Variants in NUP98 observed in about 807,000 individuals in gnomAD.
NUP98 encodes the protein nucleoporin 98 and 96 precursor.
In NUP98, 26 loss-of-function variants were observed where a neutral mutation model predicts 191.9. That is an observed-to-expected ratio of 0.14 (90% confidence interval 0.10 to 0.19). The LOEUF is 0.19. Ranked by LOEUF, NUP98 falls within the 10% of genes least tolerant of loss-of-function variation. The pLI is 1.00. For synonymous variants in NUP98, 808 were observed against 778.4 expected (o/e 1.04, Z -0.63); for missense variants, 1,941 against 2,178.8 (o/e 0.89, Z 2.17).
intron 14 of NUP98, among the ~76,000 whole-genome samples, chr11:3,728,322 TA>T (rs530533205): frequency 1.2e-3 from 189 of 152,216 alleles, no homozygotes; most frequent in Admixed American, 2.6e-3. Context: ...TTACTCTGAG[TA>T]AAAAAATGTG....
intron 10 of NUP98, among the ~76,000 whole-genome samples, chr11:3,758,403 G>A (rs565583836): frequency 6.6e-5 from 10 of 152,166 alleles, no homozygotes; most frequent in Admixed American, 4.6e-4. Flanking sequence ...GTCTACAAAC[G>A]GTCCATGGGG....
Position 3,719,437 on chromosome 11 carries a change from GT to G in NUP98, c.2373del (p.Lys791AsnfsTer8). The G allele has an allele frequency of 3.1e-6, 5 of 1,599,294 alleles. No homozygotes were observed. The Admixed American group carries it at 5.4e-5, about 17-fold the overall frequency. ...CTATTTAGCCCTTCACCCACAGGTG[GT>G]TTTTGGTTATCATCTAAGTAGACAA... ...EVVVYLDDNQKPPVGEGLNRK... is the reference protein window; with the variant it reads ...EVVVYLDDNQXPPVGEGLNRK... On this transcript the variant is annotated frameshift_variant, in exon 18 of 33. Coordinates refer to ENST00000324932, the MANE Select transcript of NUP98 (RefSeq NM_016320.5). LOFTEE classifies it high-confidence loss of function.
chr11:3,767,824 A>C (rs2081388017), intron 8 of NUP98, among the ~76,000 whole-genome samples: 1 of 152,036 alleles, frequency 6.6e-6, no homozygotes, highest in African/African-American at 2.4e-5. Flanking sequence ...CTTTAAAAAA[A>C]AAAAACAAAA....
intron 14 of NUP98, 67 bp from the exon 15 acceptor site, chr11:3,725,286 A>G: frequency 1.4e-6 from 1 of 734,340 alleles, no homozygotes; most frequent in South Asian, 1.7e-5. Context: ...CCCAGACATT[A>G]TCTTAAAAAC....
chr11:3,679,658 G>A lies in NUP98; in HGVS notation c.4969C>T (p.Leu1657=). The part of the protein sequence containing the change: ...YDYLKGFLED[L]APPERSSLIQ... ...AGGCTGCTGCGCTCTGGAGGTGCCA[G>A]GTCTTCCAAGAACCCCTTCAGGTAG... Residue 1657 remains leucine, a synonymous_variant, in exon 31 of 33, where the codon CTG becomes TTG. Transcript: ENST00000324932. The A allele has an allele frequency of 6.2e-7, 1 of 1,614,178 alleles. No homozygotes were observed. The highest frequency in any genetic ancestry group is 1.1e-5 in the South Asian group (1 of 91,084).
At chr11:3,711,368 A>G (rs1014195772) in intron 20 of NUP98, among the ~76,000 whole-genome samples, 3 of 152,166 alleles carry the variant, frequency 2.0e-5, no homozygotes, top group African/African-American at 7.2e-5. Context: ...ATAGGAGTTT[A>G]TAGTTATTTT....
chr11:3,688,580 A>T (rs2078201262), intron 28 of NUP98, among the ~76,000 whole-genome samples: 1 of 151,284 alleles, frequency 6.6e-6, no homozygotes, highest in Non-Finnish European at 1.5e-5. Flanking sequence ...GGATTACTTG[A>T]GGTCAGGAGT....
intron 1 of NUP98, among the ~76,000 whole-genome samples, chr11:3,784,269 G>C (rs1253302091): frequency 6.6e-6 from 1 of 152,118 alleles, no homozygotes; most frequent in East Asian, 1.9e-4. Context: ...AAAAAGATAA[G>C]GCTGTCCCTT....
intron 18 of NUP98, 47 bp from the exon 19 acceptor site, chr11:3,714,042 T>A (rs1229609465): frequency 6.3e-7 from 1 of 1,580,182 alleles, no homozygotes; most frequent in Non-Finnish European, 8.7e-7. Flanking sequence ...TAAAAGCGCT[T>A]CATATATAAG....
At chr11:3,701,097 G>C (rs1014507753) in intron 23 of NUP98, among the ~76,000 whole-genome samples, 1 of 152,084 alleles carries the variant, frequency 6.6e-6, no homozygotes, top group African/African-American at 2.4e-5. Context: ...AATCCTAACA[G>C]ATTTAGAACT....
chr11:3,784,605 AC>A (rs1163191118), intron 1 of NUP98, among the ~76,000 whole-genome samples: 1 of 141,930 alleles, frequency 7.0e-6, no homozygotes, highest in African/African-American at 2.6e-5. Flanking sequence ...ACAAAAAAAA[AC>A]AAAAAACATG....
intron 8 of NUP98, 53 bp from the exon 9 acceptor site, chr11:3,763,092 G>T: frequency 6.6e-7 from 1 of 1,520,220 alleles, no homozygotes; most frequent in Non-Finnish European, 9.0e-7. Flanking sequence ...TTTCCGTAAC[G>T]AATCTCAGAG....
intron 18 of NUP98, among the ~76,000 whole-genome samples, chr11:3,717,209 CACTT>C (rs1235120326): frequency 1.3e-5 from 2 of 152,024 alleles, no homozygotes; most frequent in African/African-American, 4.8e-5. Context: ...TGGCCAGGCT[CACTT>C]GTCTCAACTC....
intron 12 of NUP98, among the ~76,000 whole-genome samples, chr11:3,739,402 C>T (rs531370955): frequency 1.3e-5 from 2 of 152,210 alleles, no homozygotes; most frequent in East Asian, 3.9e-4. Context: ...GTGCCTGCCG[C>T]CACGCCCGGC....
intron 20 of NUP98, among the ~76,000 whole-genome samples, chr11:3,711,275 AC>A (rs1422635500): frequency 6.6e-6 from 1 of 152,150 alleles, no homozygotes; most frequent in African/African-American, 2.4e-5. Context: ...TTAAATCCTT[AC>A]TACCTCTTTT....
chr11:3,711,385 A>C (rs966616558), intron 20 of NUP98, among the ~76,000 whole-genome samples: 1 of 152,122 alleles, frequency 6.6e-6, no homozygotes, highest in Non-Finnish European at 1.5e-5. Flanking sequence ...TTTTTCTACT[A>C]TTTCTATTCT....
chr11:3,797,388 C>G lies in NUP98; in HGVS notation c.-29+12G>C, dbSNP rs1296652445. 1 of 403,514 alleles carries G rather than the reference C, an allele frequency of 2.5e-6. No homozygotes were observed. The highest frequency in any genetic ancestry group is 4.4e-6 in the Non-Finnish European group (1 of 228,750). The allele number at this position is 403,514 out of a possible 1,614,324, so 25.0% of individuals were successfully genotyped here. On this transcript the variant is annotated intron_variant, in intron 1 of 32. Transcript: ENST00000324932. ...CCGGTCTCGGCCGCTGCAGCTCGGG[C>G]TCCCGACTTACCGCGGTTCGGTGGG...
At chr11:3,790,898 A>ATTT (rs113941509) in intron 1 of NUP98, among the ~76,000 whole-genome samples, 12,681 of 144,510 alleles carry the variant, frequency 0.088, 1,152 homozygotes, top group African/African-American at 0.22. Context: ...CACCATTTTA[A>ATTT]TTTTTTTTTT....
chr11:3,749,277 C>T (rs965417218), intron 11 of NUP98, among the ~76,000 whole-genome samples: 4 of 151,080 alleles, frequency 2.6e-5, no homozygotes, highest in Admixed American at 6.6e-5. Flanking sequence ...CACTGCAGTC[C>T]GCAGTCCGGC....
Sources: gnomAD v4.1 joint callset for allele counts (sites outside exome capture counted in the v4.1 genomes callset) on GRCh38, gnomAD v4.1.1 for gene constraint, MANE v1.5 for transcripts, NCBI Gene and HGNC (gene_info 2026-07-23, HGNC 2026-07-21) for gene names.